Variants in TMEM200C observed in about 807,000 individuals in gnomAD.
TMEM200C encodes transmembrane protein 200C, also known as transmembrane protein TTMA.
For missense variants in TMEM200C, 966 were observed against 699.9 expected, an observed-to-expected ratio of 1.38 and a Z score of -4.29; for synonymous variants, 462 against 324.7, an observed-to-expected ratio of 1.42 and a Z score of -4.55.
intron 1 of TMEM200C, 196 bp from the exon 1 acceptor site, chr18:5,895,718 G>C (rs2095175630): frequency 6.6e-6 from 1 of 150,664 alleles, no homozygotes; most frequent in African/African-American, 2.4e-5. Context: ...GGCGGCGGAG[G>C]CAGCCGGCAC....
chr18:5,892,438 C>G (rs2095172251), intron 2 of TMEM200C, among the ~76,000 whole-genome samples: 1 of 152,188 alleles, frequency 6.6e-6, no homozygotes, highest in African/African-American at 2.4e-5. Context: ...CGCTCCCCAC[C>G]CATCTCCTCC....
exon 3 of TMEM200C, chr18:5,892,049 G>A (rs377635196): frequency 2.2e-5 from 35 of 1,612,906 alleles, no homozygotes; most frequent in Non-Finnish European, 2.7e-5. Context: ...TTAGCAGGCC[G>A]CCGGTGGCGA....
exon 3 of TMEM200C, chr18:5,885,743 T>C (rs1427602247): frequency 1.3e-5 from 2 of 152,188 alleles, no homozygotes; most frequent in Non-Finnish European, 2.9e-5. Context: ...AATTTTCTTA[T>C]CAATTTAAAG....
exon 3 of TMEM200C, chr18:5,890,071 C>A: frequency 1.2e-6 from 1 of 855,214 alleles, no homozygotes; most frequent in Non-Finnish European, 1.6e-6. Context: ...TAACATTCTG[C>A]AGCTCTTTGG....
rs2095171497 is a variant in TMEM200C at position 5,891,809 on chromosome 18, C to T, written c.255G>A (p.Gly85=). Residue 85 remains glycine (G), a synonymous_variant, in exon 3 of 3, where the codon GGG becomes GGA. Transcript: ENST00000581347. The surrounding 1 kb of genome is among the most constrained non-coding windows in gnomAD (Gnocchi z 4.7). ...TGCCCGCAGGCGGCAGCTGCTTACCCCCCTCCCGATTGGTCCCGGTGGCCT... is the reference window on the plus strand; with the variant it reads ...TGCCCGCAGGCGGCAGCTGCTTACCTCCCTCCCGATTGGTCCCGGTGGCCT... The T allele has an allele frequency of 6.2e-7, 1 of 1,605,214 alleles. No individual in the cohort carries two copies. The highest frequency in any genetic ancestry group is 8.5e-7 in the Non-Finnish European group (1 of 1,177,560).
rs964823603 is a variant in TMEM200C at position 5,891,015 on chromosome 18, C to T, written c.1049G>A (p.Cys350Tyr). Residue 350 changes from cysteine (C) to tyrosine (Y), a missense_variant, in exon 3 of 3, where the codon TGC becomes TAC. Transcript: ENST00000581347. This position sits in a 1 kb window ranked among gnomAD's most constrained non-coding sequence, Gnocchi z 4.7. The stretch of plus-strand genomic sequence containing the variant: ...TGGGCTGCAGGGCGCCGGACTGCTG[C>T]AGCTGCTAGCGGCTGCGGCGGCGGT... 3.4e-6 allele frequency: 2 copies of T among 593,248 alleles called. No individual in the cohort carries two copies. The highest frequency in any genetic ancestry group is 5.9e-6 in the Non-Finnish European group (2 of 338,912). The allele number at this position is 593,248 out of a possible 1,614,324, so 36.7% of individuals were successfully genotyped here.
exon 3 of TMEM200C, chr18:5,890,618 C>T (rs2095169443): frequency 2.0e-6 from 2 of 996,072 alleles, no homozygotes; most frequent in African/African-American, 3.4e-5. Flanking sequence ...GCTCGGGGGA[C>T]GGCGGCGCCC....
In TMEM200C at chr18:5,892,089, GC is replaced by G. The variant is rs2095171884; in HGVS notation, c.-27del. ...GGCGAGCTCCTGGAGTGCAGGACTA[GC>G]CTCTGGGATGGAGGCTTGCACAGGG... is the stretch of plus-strand genomic sequence containing the variant. On this transcript the variant is annotated 5_prime_UTR_variant, in exon 3 of 3. Coordinates refer to ENST00000581347, the Ensembl canonical transcript of TMEM200C. 3.8e-6 allele frequency: 6 copies of G among 1,598,214 alleles called. No individual in the cohort carries two copies. In the East Asian group the frequency reaches 1.3e-4, roughly 36 times the overall value.
intron 1 of TMEM200C, chr18:5,895,791 C>G (rs896156812): frequency 6.6e-6 from 1 of 151,162 alleles, no homozygotes; most frequent in Non-Finnish European, 1.5e-5. Context: ...TCTCCCCGCC[C>G]CGGGGCGCCC....
At chr18:5,888,201 T>C (rs982175313) in exon 3 of TMEM200C, 2 of 152,172 alleles carry the variant, frequency 1.3e-5, no homozygotes, top group African/African-American at 4.8e-5. Context: ...TTTGGAAGTG[T>C]GATAAAGCAA....
intron 2 of TMEM200C, among the ~76,000 whole-genome samples, chr18:5,892,603 C>T (rs2095172389): frequency 3.3e-5 from 5 of 152,280 alleles, no homozygotes; most frequent in East Asian, 1.9e-4. Context: ...TTCAAGGGAG[C>T]TGTCACAGGA....
intron 2 of TMEM200C, among the ~76,000 whole-genome samples, chr18:5,893,437 T>C (rs975474965): frequency 5.9e-5 from 9 of 152,230 alleles, no homozygotes; most frequent in Admixed American, 3.3e-4. Flanking sequence ...ATATTTGTAG[T>C]TATTCGGCAG....
At chr18:5,888,016 A>G (rs1171818897) in exon 3 of TMEM200C, 1 of 152,226 alleles carries the variant, frequency 6.6e-6, no homozygotes, top group Non-Finnish European at 1.5e-5. Context: ...TATTTGCTAA[A>G]TGTCACTTAG....
At chr18:5,888,263 T>A (rs776316087) in exon 3 of TMEM200C, 4 of 152,248 alleles carry the variant, frequency 2.6e-5, no homozygotes, top group Non-Finnish European at 5.9e-5. Flanking sequence ...CACTTGCATG[T>A]CACTCCTTAG....
chr18:5,890,569 G>A (rs760143745), exon 3 of TMEM200C: 2 of 1,367,808 alleles, frequency 1.5e-6, no homozygotes, highest in South Asian at 1.8e-5. Flanking sequence ...TTGGCCAGAG[G>A]GCTGGAGTCC....
rs188327877 is a variant in TMEM200C, at chr18:5,890,812, G to A, written c.1252C>T (p.Leu418Phe). ...CGGAGGTTGGTCATGCTCAGGTCGA[G>A]CTCGCCCCTCGGGATCTCCTGGGAG... is the stretch of plus-strand genomic sequence containing the variant. Residue 418 changes from leucine (L) to phenylalanine (F), a missense_variant, in exon 3 of 3, where the codon CTC (leucine) becomes TTC (phenylalanine). Transcript: ENST00000581347. 9.5e-4 allele frequency: 635 copies of A among 671,674 alleles called. 5 individuals are homozygous for A. The African/African-American group carries it at 0.011, about 11-fold the overall frequency. 41.6% of individuals were successfully genotyped at this position (671,674 alleles called of 1,614,324 possible).
chr18:5,893,686 G>A (rs2095173297), intron 2 of TMEM200C, among the ~76,000 whole-genome samples: 1 of 152,316 alleles, frequency 6.6e-6, no homozygotes, highest in Admixed American at 6.5e-5. Flanking sequence ...TTGGGTGAAA[G>A]GCTTTGGCCC....
rs376186375 is a variant in TMEM200C, at chr18:5,891,416, T to C, written c.648A>G (p.Lys216=). The C allele has an allele frequency of 4.2e-5, 62 of 1,468,582 alleles. No individual in the cohort carries two copies. The East Asian group carries it at 1.0e-3, about 24-fold the overall frequency. 91.0% of individuals were successfully genotyped at this position (1,468,582 alleles called of 1,614,324 possible). The change falls in exon 3 of 3, where the codon AAA becomes AAG. Residue 216 remains lysine (K), a synonymous_variant. Coordinates refer to ENST00000581347, the Ensembl canonical transcript of TMEM200C. This position sits in a 1 kb window ranked among gnomAD's most constrained non-coding sequence, Gnocchi z 4.7. ...CGGCGGCCGCGGCGGCCGCCAGGTC[T>C]TTGGCGCGGAGGCTGTGCACGTCGA...
chr18:5,883,538 G>T (rs2095163229), exon 3 of TMEM200C: 1 of 151,952 alleles, frequency 6.6e-6, no homozygotes, highest in African/African-American at 2.4e-5. Context: ...AGTATGTCTG[G>T]GTCTTAACCT....
Sources: allele counts gnomAD v4.1 joint callset (sites outside exome capture counted in the v4.1 genomes callset), GRCh38; gene constraint gnomAD v4.1.1; non-coding constraint Gnocchi (gnomAD v3.1); transcripts MANE v1.5; gene names NCBI Gene and HGNC (gene_info 2026-07-23, HGNC 2026-07-21).